ZBED3: variants seen among roughly 807,000 people sequenced by gnomAD.
ZBED3 encodes the protein zinc finger BED-type containing 3.
For missense variants in ZBED3, 388 were observed against 362.9 expected (o/e 1.07, Z -0.56); for synonymous variants, 175 against 180.0 (o/e 0.97, Z 0.22).
Position 77,075,434 on chromosome 5 carries a change from A to G in ZBED3, c.*1740T>C, listed in dbSNP as rs1742955588. ...GAATACTGATTAAGGGCTCTGTATT[A>G]GAGGCTATAAAGAAGTTACTGTTTA... is the stretch of plus-strand genomic sequence containing the variant. On this transcript the variant is annotated 3_prime_UTR_variant, in exon 3 of 3. Transcript: ENST00000255198. The G allele has an allele frequency of 6.6e-6, 1 of 152,204 alleles. No individual in the cohort carries two copies. Among genetic ancestry groups the G allele is most frequent in the Non-Finnish European group, 1.5e-5 (1 of 68,044 alleles). The allele number at this position is 152,204 out of a possible 1,614,324, so 9.4% of individuals were successfully genotyped here.
At chr5:77,079,217 A>G (rs1462462489) in intron 1 of ZBED3, 5 of 152,268 alleles carry the variant, frequency 3.3e-5, no homozygotes. Context: ...AAGAAAACAC[A>G]TGACAGACTT....
In ZBED3 at chr5:77,077,895, G is replaced by A. The variant is rs571389746; in HGVS notation, c.-17C>T. The A allele has an allele frequency of 4.7e-4, 592 of 1,250,424 alleles. No individual in the cohort carries two copies. Among genetic ancestry groups the A allele is most frequent in the Middle Eastern group, 1.5e-3 (5 of 3,268 alleles). The allele number at this position is 1,250,424 out of a possible 1,614,324, so 77.5% of individuals were successfully genotyped here. On this transcript the variant is annotated splice_region_variant and 5_prime_UTR_variant, in exon 3 of 3. Transcript: ENST00000255198. ...ACTCCTCATTCTGCGGCGCCCGCAC[G>A]CTGGGGAGCAGGGGAAGAATAATAA...
chr5:77,085,955 G>A (rs1446867274), intron 1 of ZBED3, among the ~76,000 whole-genome samples: 15 of 152,224 alleles, frequency 9.9e-5, no homozygotes, highest in Admixed American at 7.2e-4. Context: ...AGGTAATTAA[G>A]GGGTGAATCA....
Position 77,077,116 on chromosome 5 carries a change from G to A in ZBED3, c.*58C>T, listed in dbSNP as rs1451512719. On this transcript the variant is annotated 3_prime_UTR_variant, in exon 3 of 3. Coordinates refer to ENST00000255198, the MANE Select transcript of ZBED3 (RefSeq NM_032367.4). ...TACGGCTTCGGTCCCAGCGGGGTCT[G>A]AAGGCATTGGCATTGGACGGAGAAG... The A allele has an allele frequency of 6.3e-6, 8 of 1,261,018 alleles. No individual in the cohort carries two copies. Among genetic ancestry groups the A allele is most frequent in the Non-Finnish European group, 8.1e-6 (8 of 986,168 alleles). 78.1% of individuals were successfully genotyped at this position (1,261,018 alleles called of 1,614,324 possible).
At chr5:77,086,046 CTATT>C (rs1240539344) in intron 1 of ZBED3, among the ~76,000 whole-genome samples, 1 of 152,214 alleles carries the variant, frequency 6.6e-6, no homozygotes, top group African/African-American at 2.4e-5. Flanking sequence ...CTCTCTCTCT[CTATT>C]AATGCACTTT....
chr5:77,077,830 C>G lies in ZBED3; in HGVS notation c.49G>C (p.Asp17His). The G allele has an allele frequency of 5.4e-6, 7 of 1,294,076 alleles. No homozygotes were observed. Among genetic ancestry groups the G allele is most frequent in the Non-Finnish European group, 6.8e-6 (7 of 1,026,670 alleles). 80.2% of individuals were successfully genotyped at this position (1,294,076 alleles called of 1,614,324 possible). The change falls in exon 3 of 3, where the codon GAC (aspartate) becomes CAC (histidine). Residue 17 changes from aspartate (D) to histidine (H), a missense_variant. Transcript: ENST00000255198. ...ACTMDQARGL[D>H]DAAARGGQCP... ...TGACCGCCCCGCGCCGCCGCGTCGT[C>G]CAGCCCGCGGGCCTGGTCCATGGTG...
Position 77,075,987 on chromosome 5 carries a change from A to ATATG in ZBED3, c.*1186_*1187insCATA, listed in dbSNP as rs1742981641. The ATATG allele has an allele frequency of 2.9e-5, 1 of 34,728 alleles. No individual in the cohort carries two copies. The allele number at this position is 34,728 out of a possible 1,614,324, so 2.2% of individuals were successfully genotyped here. A position where few individuals can be genotyped will look rare whatever the true frequency, so the allele number is the denominator to read the frequency against. On this transcript the variant is annotated 3_prime_UTR_variant, in exon 3 of 3. Coordinates refer to ENST00000255198, the MANE Select transcript of ZBED3 (RefSeq NM_032367.4). Reference sequence around the variant, plus strand: ...TATATGTATATGTATATATGTATATATATATGTATATATGTATATATATAT... The same window carrying ATATG: ...TATATGTATATGTATATATGTATATATATGTATATGTATATATGTATATATATAT...
chr5:77,076,326 T>G lies in ZBED3; in HGVS notation c.*848A>C, dbSNP rs1444165281. On this transcript the variant is annotated 3_prime_UTR_variant, in exon 3 of 3. Coordinates refer to ENST00000255198, the MANE Select transcript of ZBED3 (RefSeq NM_032367.4). ...GGAAAATGACAGGTAGATGTGGCCT[T>G]AAGCGGAGGGATGCTTTCCCCTTCA... is the stretch of plus-strand genomic sequence containing the variant. The G allele has an allele frequency of 6.6e-6, 1 of 152,008 alleles. No homozygotes were observed. Among genetic ancestry groups the G allele is most frequent in the East Asian group, 1.9e-4 (1 of 5,134 alleles). 9.4% of individuals were successfully genotyped at this position (152,008 alleles called of 1,614,324 possible). A position where few individuals can be genotyped will look rare whatever the true frequency, so the allele number is the denominator to read the frequency against.
In ZBED3 at chr5:77,077,519, G is replaced by C. The variant is rs13163338; in HGVS notation, c.360C>G (p.Gly120=). ...AGTCGCCCTCGGGGGCCGCAGCGGG[G>C]CCGGGCGGCGGCGGGCAGGGCGCGG... is the stretch of plus-strand genomic sequence containing the variant. The part of the protein sequence containing the change: ...PPAAPCPPPP[G]PAAAPEGDWA... Residue 120 remains glycine (G), a synonymous_variant, in exon 3 of 3, where the codon GGC becomes GGG. Transcript: ENST00000255198. The C allele has an allele frequency of 8.3e-7, 1 of 1,201,978 alleles. No homozygotes were observed. Among genetic ancestry groups the C allele is most frequent in the African/African-American group, 1.6e-5 (1 of 62,532 alleles). The allele number at this position is 1,201,978 out of a possible 1,614,324, so 74.5% of individuals were successfully genotyped here.
intron 2 of ZBED3, among the ~76,000 whole-genome samples, chr5:77,078,230 T>C (rs1743065269): frequency 6.6e-6 from 1 of 152,126 alleles, no homozygotes; most frequent in African/African-American, 2.4e-5. Context: ...GTATTAGCTT[T>C]AACTAGTCTC....
At position 77,077,307 on chromosome 5, in the gene ZBED3, G is replaced by A. The variant is rs1446262847; in HGVS notation, c.572C>T (p.Ala191Val). The change falls in exon 3 of 3, where the codon GCG becomes GTG. Residue 191 changes from alanine to valine, a missense_variant. Transcript: ENST00000255198. ...CACATCCCGCAGCCGCGCCTGCAGC[G>A]CCTCCCGCTCGGCCTGCAGTTCCCG... The part of the protein sequence containing the change: ...ARRELQAERE[A>V]LQARLRDVSR... 6.8e-6 allele frequency: 9 copies of A among 1,327,640 alleles called. No individual in the cohort carries two copies. Among genetic ancestry groups the A allele is most frequent in the Middle Eastern group, 4.7e-4 (2 of 4,220 alleles). 82.2% of individuals were successfully genotyped at this position (1,327,640 alleles called of 1,614,324 possible). A position where few individuals can be genotyped will look rare whatever the true frequency, so the allele number is the denominator to read the frequency against.
At position 77,072,639 on chromosome 5, in the gene ZBED3, G is replaced by T. The variant is rs1026923662; in HGVS notation, c.*4535C>A. On this transcript the variant is annotated 3_prime_UTR_variant, in exon 3 of 3. Transcript: ENST00000255198. ...TCCTCAGATTACTTTGTAGTCACAA[G>T]TCAGATTGAGTTTTGACTGGAGCAG... 1 of 152,190 alleles carries T rather than the reference G, an allele frequency of 6.6e-6. No homozygotes were observed. The highest frequency in any genetic ancestry group is 1.5e-5 in the Non-Finnish European group (1 of 68,042). The allele number at this position is 152,190 out of a possible 1,614,324, so 9.4% of individuals were successfully genotyped here. A position where few individuals can be genotyped will look rare whatever the true frequency, so the allele number is the denominator to read the frequency against.
rs1410403902 is a variant in ZBED3, at chr5:77,076,011, A to ATGTATATATGTAT, written c.*1150_*1162dup. The ATGTATATATGTAT allele has an allele frequency of 3.4e-5, 3 of 88,728 alleles. 1 individual carries two copies. The East Asian group carries it at 8.0e-4, about 24-fold the overall frequency. The allele number at this position is 88,728 out of a possible 1,614,324, so 5.5% of individuals were successfully genotyped here. A position where few individuals can be genotyped will look rare whatever the true frequency, so the allele number is the denominator to read the frequency against. On this transcript the variant is annotated 3_prime_UTR_variant, in exon 3 of 3. Transcript: ENST00000255198. ...TATATATGTATATATGTATATATAT[A>ATGTATATATGTAT]TGTATATATGTATATATATATGTAT...
chr5:77,075,763 T>C lies in ZBED3; in HGVS notation c.*1411A>G, dbSNP rs1320797041. The stretch of plus-strand genomic sequence containing the variant: ...AACCAGTATGCAACAGGAAAAGGAA[T>C]TCTTTGAAGGAAAAACAGGATCCAC... On this transcript the variant is annotated 3_prime_UTR_variant, in exon 3 of 3. Transcript: ENST00000255198. 1 of 150,882 alleles carries C rather than the reference T, an allele frequency of 6.6e-6. No homozygotes were observed. Among genetic ancestry groups the C allele is most frequent in the Non-Finnish European group, 1.5e-5 (1 of 67,794 alleles). The allele number at this position is 150,882 out of a possible 1,614,324, so 9.3% of individuals were successfully genotyped here.
intron 2 of ZBED3, among the ~76,000 whole-genome samples, chr5:77,078,229 TTAAC>T (rs1743065320): frequency 6.6e-6 from 1 of 152,120 alleles, no homozygotes; most frequent in African/African-American, 2.4e-5. Flanking sequence ...TGTATTAGCT[TTAAC>T]TAGTCTCTGC....
chr5:77,082,590 T>A (rs755575733), intron 1 of ZBED3, among the ~76,000 whole-genome samples: 63 of 152,292 alleles, frequency 4.1e-4, no homozygotes, highest in Non-Finnish European at 7.9e-4. Context: ...GAAGAGTGTA[T>A]AATATGATCC....
intron 1 of ZBED3, among the ~76,000 whole-genome samples, chr5:77,084,883 T>C (rs1743206970): frequency 1.3e-5 from 2 of 152,246 alleles, no homozygotes; most frequent in African/African-American, 4.8e-5. Flanking sequence ...AAAGAAAGTT[T>C]CTTGAAGCTA....
intron 1 of ZBED3, among the ~76,000 whole-genome samples, chr5:77,083,086 G>A (rs1006042686): frequency 2.0e-5 from 3 of 152,166 alleles, no homozygotes; most frequent in African/African-American, 4.8e-5. Flanking sequence ...GCAGTGAGCC[G>A]AGATTGCACG....
At chr5:77,082,229 T>A (rs1431883806) in intron 1 of ZBED3, among the ~76,000 whole-genome samples, 1 of 150,864 alleles carries the variant, frequency 6.6e-6, no homozygotes, top group East Asian at 1.9e-4. Flanking sequence ...ATAGCACCAT[T>A]GCATTCCAGC....
Sources: gnomAD v4.1 joint callset for allele counts (sites outside exome capture counted in the v4.1 genomes callset) on GRCh38, gnomAD v4.1.1 for gene constraint, MANE v1.5 for transcripts, NCBI Gene and HGNC (gene_info 2026-07-23, HGNC 2026-07-21) for gene names.